Variants in RBBP4 observed in about 807,000 individuals in gnomAD.
RBBP4 encodes RB binding protein 4, chromatin remodeling factor.
Under a neutral mutation model 57.2 loss-of-function variants are expected in RBBP4, and 3 were observed. That is an observed-to-expected ratio of 0.05 (90% CI 0.02 to 0.14). The LOEUF is 0.14. RBBP4 is among the 10% of genes least tolerant of loss of function. RBBP4 has a pLI of 1.00. For synonymous variants in RBBP4, 151 were observed against 171.5 expected (o/e 0.88, Z 0.93); for missense variants, 107 against 520.6 (o/e 0.21, Z 7.73).
intron 2 of RBBP4, chr1:32,652,294 C>G: frequency 2.1e-6 from 1 of 475,936 alleles, no homozygotes; most frequent in Non-Finnish European, 3.8e-6. Flanking sequence ...ATAGCTGTAG[C>G]TGATGATAAT....
chr1:32,664,547 G>A (rs1272092530), intron 3 of RBBP4, among the ~76,000 whole-genome samples: 3 of 151,976 alleles, frequency 2.0e-5, no homozygotes, highest in Admixed American at 6.6e-5. Context: ...CTGCCTCCCG[G>A]GTTCAAGCAA....
chr1:32,672,068 C>T (rs1263336633), intron 8 of RBBP4, among the ~76,000 whole-genome samples: 1 of 151,900 alleles, frequency 6.6e-6, no homozygotes, highest in East Asian at 1.9e-4. Context: ...ATCTCAGCTC[C>T]AACCTCTGCT....
chr1:32,652,760 G>A (rs1647908475), intron 2 of RBBP4, among the ~76,000 whole-genome samples: 1 of 152,050 alleles, frequency 6.6e-6, no homozygotes, highest in South Asian at 2.1e-4. Flanking sequence ...GGACAGGCTG[G>A]TCTCCAACCC....
chr1:32,668,896 C>G, intron 5 of RBBP4, 42 bp downstream of exon 5: 1 of 1,612,168 alleles, frequency 6.2e-7, no homozygotes, highest in South Asian at 1.1e-5. Flanking sequence ...GGGCTAGTTA[C>G]CAGTTGGTTT....
Position 32,681,734 on chromosome 1 carries a change from C to T in RBBP4, c.*2029C>T. On this transcript the variant is annotated 3_prime_UTR_variant, in exon 12 of 12. Coordinates refer to ENST00000373493, the MANE Select transcript of RBBP4 (RefSeq NM_005610.3). ...TTTGCAACTTCCACAGGATGAATTG[C>T]TTGCCAAGTTTCTGGCACTCTTGTC... The T allele has an allele frequency of 6.4e-7, 1 of 1,560,102 alleles. No individual in the cohort carries two copies. The highest frequency in any genetic ancestry group is 1.7e-5 in the Admixed American group (1 of 58,466).
rs1325866439 is a variant in RBBP4, at chr1:32,685,723, A to G, written c.*6018A>G. 6.6e-6 allele frequency: 1 copy of G among 152,208 alleles called. No homozygotes were observed. The highest frequency in any genetic ancestry group is 1.5e-5 in the Non-Finnish European group (1 of 68,034). The allele number at this position is 152,208 out of a possible 1,614,324, so 9.4% of individuals were successfully genotyped here. Reference sequence around the variant, plus strand: ...GATTGCTCAGTCCTCACTACCTACCAGACCCGTTGGTAAGGTACAAAAGTA... The same window carrying G: ...GATTGCTCAGTCCTCACTACCTACCGGACCCGTTGGTAAGGTACAAAAGTA... On this transcript the variant is annotated 3_prime_UTR_variant, in exon 12 of 12. Coordinates refer to ENST00000373493, the MANE Select transcript of RBBP4 (RefSeq NM_005610.3).
chr1:32,659,068 A>G (rs561555099), intron 3 of RBBP4, among the ~76,000 whole-genome samples: 2 of 146,544 alleles, frequency 1.4e-5, no homozygotes, highest in African/African-American at 5.0e-5. Context: ...TATAAATTAT[A>G]TATGTAAAAC....
At position 32,669,636 on chromosome 1, in the gene RBBP4, A is replaced by C. The variant is rs1331623561; in HGVS notation, c.966+73A>C. 6.6e-7 allele frequency: 1 copy of C among 1,519,164 alleles called. No homozygotes were observed. Among genetic ancestry groups the C allele is most frequent in the African/African-American group, 1.4e-5 (1 of 71,490 alleles). The allele number at this position is 1,519,164 out of a possible 1,614,324, so 94.1% of individuals were successfully genotyped here. The stretch of plus-strand genomic sequence containing the variant: ...CTGGGCGCGGTCGCTCACGCCTGTA[A>C]TCCCAGCACTTTGGGAGGCTGAAGC... On this transcript the variant is annotated intron_variant, in intron 8 of 11. Coordinates refer to ENST00000373493, the MANE Select transcript of RBBP4 (RefSeq NM_005610.3). The surrounding 1 kb of genome is among the most constrained non-coding windows in gnomAD (Gnocchi z 4.9).
chr1:32,653,637 GTTTT>G lies in RBBP4; in HGVS notation c.164+1595_164+1598del, dbSNP rs1053666893. The stretch of plus-strand genomic sequence containing the variant: ...TGCTTTGTGTGTTTTTTGTTTTCTG[GTTTT>G]TTTTTTTTTTTTTTTTTTGTTTTTG... On this transcript the variant is annotated intron_variant, in intron 2 of 11. Transcript: ENST00000373493. 8.7e-4 allele frequency among the ~76,000 whole-genome samples: 18 copies of G among 20,782 alleles called. No homozygotes were observed. The Admixed American group carries it at 0.011, about 13-fold the overall frequency. The allele number at this position is 20,782 out of a possible 152,430, so 13.6% of individuals were successfully genotyped here.
rs199517847 is a variant in RBBP4, at chr1:32,657,618, C to A, written c.310+46C>A. The A allele has an allele frequency of 1.3e-3, 2,040 of 1,565,416 alleles. 28 individuals carry two copies. The highest frequency in any genetic ancestry group is 0.012 in the South Asian group (1,015 of 85,802). The stretch of plus-strand genomic sequence containing the variant: ...AGAAGTAAAGATGTGTGGGTCATAT[C>A]TGTTATGTGCACTTTGATAAAGTAA... On this transcript the variant is annotated intron_variant, in intron 3 of 11. Coordinates refer to ENST00000373493, the MANE Select transcript of RBBP4 (RefSeq NM_005610.3).
chr1:32,672,927 G>A, intron 11 of RBBP4, 26 bp downstream of exon 11: 4 of 1,532,840 alleles, frequency 2.6e-6, no homozygotes, highest in African/African-American at 1.4e-5. Context: ...TTTATTTTGG[G>A]GAGGTGAAAT....
At chr1:32,670,180 A>G (rs1171746211) in intron 8 of RBBP4, among the ~76,000 whole-genome samples, 1 of 152,108 alleles carries the variant, frequency 6.6e-6, no homozygotes, top group Admixed American at 6.6e-5. Flanking sequence ...AACCCTGTCT[A>G]TTTTTTAATA....
At chr1:32,668,469 T>C in intron 4 of RBBP4, 71 bp downstream of exon 4, 2 of 1,384,736 alleles carry the variant, frequency 1.4e-6, no homozygotes, top group Admixed American at 4.1e-5. Context: ...ACTGTGAGTT[T>C]AATTGCATGT....
At chr1:32,654,935 TCCAC>T (rs1648068561) in intron 2 of RBBP4, among the ~76,000 whole-genome samples, 1 of 152,172 alleles carries the variant, frequency 6.6e-6, no homozygotes. Context: ...CCTCAGGTAA[TCCAC>T]CCGCTTCGGC....
chr1:32,667,574 TTG>T (rs1447906553), intron 3 of RBBP4, among the ~76,000 whole-genome samples: 1 of 152,228 alleles, frequency 6.6e-6, no homozygotes, highest in Non-Finnish European at 1.5e-5. Flanking sequence ...CTCTTTTGTC[TTG>T]TGTCTTTATT....
At chr1:32,671,295 AAG>A (rs1458246578) in intron 8 of RBBP4, among the ~76,000 whole-genome samples, 1 of 152,190 alleles carries the variant, frequency 6.6e-6, no homozygotes, top group Non-Finnish European at 1.5e-5. Flanking sequence ...AAGAATAGAC[AAG>A]ATGTAGGCCG....
intron 2 of RBBP4, among the ~76,000 whole-genome samples, chr1:32,653,183 G>A (rs958651098): frequency 6.6e-6 from 1 of 152,064 alleles, no homozygotes; most frequent in Non-Finnish European, 1.5e-5. Context: ...CATAAAAGTG[G>A]TACAGATAAA....
Position 32,684,775 on chromosome 1 carries a change from ATACTT to A in RBBP4, c.*5071_*5075del, listed in dbSNP as rs950436091. 6.3e-6 allele frequency: 1 copy of A among 159,000 alleles called. No homozygotes were observed. Among genetic ancestry groups the A allele is most frequent in the African/African-American group, 2.4e-5 (1 of 41,554 alleles). The allele number at this position is 159,000 out of a possible 1,614,324, so 9.8% of individuals were successfully genotyped here. A position where few individuals can be genotyped will look rare whatever the true frequency, so the allele number is the denominator to read the frequency against. ...AATTGGTAGTTTTTAATAATATAAA[ATACTT>A]AAGTTGAAATACAAAAGTGTGGCAA... On this transcript the variant is annotated 3_prime_UTR_variant, in exon 12 of 12. Transcript: ENST00000373493.
In RBBP4 at chr1:32,669,094, T is replaced by G. The variant is rs1648766009; in HGVS notation, c.723T>G (p.Ser241=). 2 of 1,614,078 alleles carry G rather than the reference T, an allele frequency of 1.2e-6. No individual in the cohort carries two copies. The highest frequency in any genetic ancestry group is 2.2e-5 in the South Asian group (2 of 91,092). The change falls in exon 6 of 12, where the codon TCT becomes TCG. Residue 241 remains serine, a synonymous_variant. Transcript: ENST00000373493. The surrounding 1 kb of genome is among the most constrained non-coding windows in gnomAD (Gnocchi z 4.9). ...TTTCCTGGCATCTACTCCATGAGTC[T>G]CTGTTTGGGTCAGTTGCTGATGATC... is the stretch of plus-strand genomic sequence containing the variant. ...EDVSWHLLHE[S]LFGSVADDQK...
Sources: allele counts gnomAD v4.1 joint callset (sites outside exome capture counted in the v4.1 genomes callset), GRCh38; gene constraint gnomAD v4.1.1; non-coding constraint Gnocchi (gnomAD v3.1); transcripts MANE v1.5; gene names NCBI Gene and HGNC (gene_info 2026-07-23, HGNC 2026-07-21).